GRIN2A: variants seen among roughly 807,000 people sequenced by gnomAD.
The protein encoded by GRIN2A is glutamate receptor ionotropic, NMDA 2A.
A neutral mutation model predicts 113.4 loss-of-function variants in GRIN2A; 22 were observed. The observed-to-expected ratio is 0.19, with a 90% CI of 0.14 to 0.28. The LOEUF (loss-of-function observed/expected upper bound fraction) is 0.28, where lower values mean the gene tolerates loss of function less well. Among genes scored for constraint, GRIN2A ranks in the 10% least tolerant of loss-of-function variants. The pLI is 1.00. For missense variants in GRIN2A, 1,502 were observed against 1,887.0 expected, an observed-to-expected ratio of 0.80 and a Z score of 3.78; for synonymous variants, 827 against 738.4, an observed-to-expected ratio of 1.12 and a Z score of -1.94.
intron 2 of GRIN2A, among the ~76,000 whole-genome samples, chr16:10,024,220 A>ATGCT (rs1491463895): frequency 5.9e-5 from 9 of 151,776 alleles, no homozygotes; most frequent in Non-Finnish European, 1.3e-4. Flanking sequence ...AATGGTATGC[A>ATGCT]TGTTTGTTTG....
In GRIN2A at chr16:9,884,657, A is replaced by G. The variant is rs563921465; in HGVS notation, c.1122+6329T>C. Among the ~76,000 whole-genome samples, 9 of 152,122 alleles carry G rather than the reference A, an allele frequency of 5.9e-5. No homozygotes were observed. In the South Asian group the frequency reaches 1.7e-3, roughly 28 times the overall value. ...TCAGGTAGAATAAGTAGTTCAGCCT[A>G]GAGCAATCCAATTTATTACTCAAGG... On this transcript the variant is annotated intron_variant, in intron 4 of 12. Transcript: ENST00000330684.
intron 2 of GRIN2A, among the ~76,000 whole-genome samples, chr16:10,082,480 A>C (rs565191280): frequency 6.6e-6 from 1 of 152,350 alleles, no homozygotes; most frequent in East Asian, 1.9e-4. Flanking sequence ...ATGTTACATC[A>C]TATGGTAAAA....
At chr16:10,175,463 C>G (rs1249780740) in intron 2 of GRIN2A, among the ~76,000 whole-genome samples, 2 of 152,112 alleles carry the variant, frequency 1.3e-5, no homozygotes, top group Non-Finnish European at 1.5e-5. Flanking sequence ...AGGAAATACA[C>G]CAAAGTGTCA....
chr16:10,154,146 G>A (rs142499629), intron 2 of GRIN2A, among the ~76,000 whole-genome samples: 1 of 152,184 alleles, frequency 6.6e-6, no homozygotes, highest in African/African-American at 2.4e-5. Context: ...AAGAGCCAGC[G>A]TATGACTCAC....
At chr16:10,129,173 T>C (rs2142211039) in intron 2 of GRIN2A, among the ~76,000 whole-genome samples, 1 of 152,200 alleles carries the variant, frequency 6.6e-6, no homozygotes, top group Non-Finnish European at 1.5e-5. Flanking sequence ...ATTTCTGGGC[T>C]CAAGTGATCG....
chr16:9,783,325 C>G (rs565764697), intron 11 of GRIN2A, among the ~76,000 whole-genome samples: 1 of 152,158 alleles, frequency 6.6e-6, no homozygotes, highest in African/African-American at 2.4e-5. Context: ...GTTCCAGATC[C>G]GATTTAATCG....
intron 2 of GRIN2A, among the ~76,000 whole-genome samples, chr16:10,008,639 AC>A (rs1301306772): frequency 2.0e-5 from 3 of 152,182 alleles, no homozygotes; most frequent in Non-Finnish European, 4.4e-5. Flanking sequence ...AGGTACTCAC[AC>A]TTTTAGGCAG....
At chr16:10,119,844 C>A (rs943504692) in intron 2 of GRIN2A, among the ~76,000 whole-genome samples, 4 of 152,150 alleles carry the variant, frequency 2.6e-5, no homozygotes, top group Admixed American at 2.0e-4. Flanking sequence ...ATTTGGTTTT[C>A]TGTTCCTGCA....
At chr16:9,766,035 C>T (rs1436911290) in intron 12 of GRIN2A, among the ~76,000 whole-genome samples, 3 of 152,138 alleles carry the variant, frequency 2.0e-5, no homozygotes, top group Non-Finnish European at 4.4e-5. Flanking sequence ...GGCAAAAGGA[C>T]GTCTGGAACA....
At chr16:9,914,019 C>A (rs576936948) in intron 3 of GRIN2A, among the ~76,000 whole-genome samples, 55 of 150,500 alleles carry the variant, frequency 3.7e-4, no homozygotes, top group Non-Finnish European at 8.0e-4. Flanking sequence ...GGCATTAGAA[C>A]TGAGTGTGAA....
chr16:10,134,415 A>T (rs1048227446), intron 2 of GRIN2A, among the ~76,000 whole-genome samples: 3 of 150,372 alleles, frequency 2.0e-5, no homozygotes, highest in Non-Finnish European at 3.0e-5. Flanking sequence ...ATCATAGGTG[A>T]TAATTGAACA....
chr16:9,824,698 G>A (rs762308154), intron 9 of GRIN2A, among the ~76,000 whole-genome samples: 2 of 152,006 alleles, frequency 1.3e-5, no homozygotes, highest in African/African-American at 4.8e-5. Flanking sequence ...CTCACAATAC[G>A]TTTCCCATCA....
chr16:9,932,678 C>G lies in GRIN2A; in HGVS notation c.1007+5281G>C, dbSNP rs566724120. On this transcript the variant is annotated intron_variant, in intron 3 of 12. Transcript: ENST00000330684. ...GATTACAAGTATGAGCCACCACGCC[C>G]GGCCTAATAACTTTAGATCTACAAG... Among the ~76,000 whole-genome samples the G allele has an allele frequency of 2.5e-4, 38 of 152,108 alleles. No individual in the cohort carries two copies. In the Middle Eastern group the frequency reaches 0.027, roughly 109 times the overall value.
At chr16:9,969,177 G>A (rs2045620216) in intron 2 of GRIN2A, among the ~76,000 whole-genome samples, 2 of 152,042 alleles carry the variant, frequency 1.3e-5, no homozygotes, top group Admixed American at 1.3e-4. Flanking sequence ...ACAGGTTTCT[G>A]TGGTCAAGGT....
At chr16:9,842,569 T>C (rs1295731913) in intron 5 of GRIN2A, among the ~76,000 whole-genome samples, 4 of 152,194 alleles carry the variant, frequency 2.6e-5, no homozygotes, top group African/African-American at 4.8e-5. Context: ...GGTTACACAG[T>C]AGTACAAACA....
At chr16:10,041,361 C>A (rs1450344474) in intron 2 of GRIN2A, among the ~76,000 whole-genome samples, 1 of 152,110 alleles carries the variant, frequency 6.6e-6, no homozygotes, top group Non-Finnish European at 1.5e-5. Context: ...TAAGGAGAAT[C>A]TTCTGTAAAG....
chr16:10,090,392 C>G (rs2048164205), intron 2 of GRIN2A, among the ~76,000 whole-genome samples: 1 of 152,098 alleles, frequency 6.6e-6, no homozygotes. Flanking sequence ...CTGACACTGT[C>G]AATTGATTTT....
intron 11 of GRIN2A, among the ~76,000 whole-genome samples, chr16:9,783,104 C>A (rs1172626069): frequency 6.6e-6 from 1 of 152,186 alleles, no homozygotes; most frequent in Non-Finnish European, 1.5e-5. Context: ...TGATCACCCC[C>A]TTCTGATGTC....
rs992464600 is a variant in GRIN2A at position 10,052,260 on chromosome 16, A to G, written c.415-113709T>C. On this transcript the variant is annotated intron_variant, in intron 2 of 12. Transcript: ENST00000330684. ...ATAAGAGAAAAACAAATGACTTTCC[A>G]AAGAGCTGATCACATTTAATCTTCC... Among the ~76,000 whole-genome samples the G allele has an allele frequency of 3.3e-5, 5 of 152,374 alleles. No individual in the cohort carries two copies. In the South Asian group the frequency reaches 6.2e-4, roughly 19 times the overall value.
Sources: gnomAD v4.1 joint callset for allele counts (sites outside exome capture counted in the v4.1 genomes callset) on GRCh38, gnomAD v4.1.1 for gene constraint, MANE v1.5 for transcripts, NCBI Gene and HGNC (gene_info 2026-07-23, HGNC 2026-07-21) for gene names.